CCDC171: variants seen among roughly 807,000 people sequenced by gnomAD.
CCDC171 encodes the protein coiled-coil domain-containing protein 171.
A neutral mutation model predicts 168.2 loss-of-function variants in CCDC171; 177 were observed. The ratio of observed to expected loss-of-function variants is 1.05; its 90% confidence interval spans 0.93 to 1.19. The LOEUF is 1.19. Among genes scored for constraint, CCDC171 ranks in the 50% most tolerant of loss-of-function variants. CCDC171 has a pLI of 0.00. For synonymous variants in CCDC171, 687 were observed against 540.8 expected (o/e 1.27, Z -3.75); for missense variants, 1,991 against 1,539.0 (o/e 1.29, Z -4.91).
At chr9:16,037,135 A>C (rs1388855059) in intron 8 of CCDC171, among the ~76,000 whole-genome samples, 1 of 152,250 alleles carries the variant, frequency 6.6e-6, no homozygotes, top group African/African-American at 2.4e-5. Flanking sequence ...AATAGCTAGA[A>C]GAGAGGATTT....
At chr9:15,558,401 C>A (rs991675153) in intron 1 of CCDC171, among the ~76,000 whole-genome samples, 5 of 152,036 alleles carry the variant, frequency 3.3e-5, no homozygotes. Context: ...ATTATTGCCT[C>A]AATTTCAGAA....
At position 15,666,162 on chromosome 9, in the gene CCDC171, G is replaced by T. The variant is rs751929117; in HGVS notation, c.916-1G>T. The T allele has an allele frequency of 4.3e-6, 7 of 1,613,258 alleles. No homozygotes were observed. In the South Asian group the frequency reaches 6.6e-5, roughly 15 times the overall value. On this transcript the variant is annotated splice_acceptor_variant, in intron 8 of 25. Coordinates refer to ENST00000380701, the MANE Select transcript of CCDC171 (RefSeq NM_173550.4). LOFTEE classifies it high-confidence loss of function. ...TTAATTACTTGTCTGTCGTCCGGTA[G>T]TTACGGATTCGAGACCTTGAAGGAG... is the stretch of plus-strand genomic sequence containing the variant.
intron 4 of CCDC171, among the ~76,000 whole-genome samples, chr9:15,583,144 C>T (rs542574761): frequency 8.5e-5 from 13 of 152,156 alleles, no homozygotes; most frequent in East Asian, 5.8e-4. Context: ...AGGCTGGGCG[C>T]GGTGGCTCAC....
At chr9:16,019,344 A>G (rs984040634) in intron 3 of CCDC171, among the ~76,000 whole-genome samples, 1 of 152,202 alleles carries the variant, frequency 6.6e-6, no homozygotes, top group African/African-American at 2.4e-5. Flanking sequence ...AGTCCTGGTA[A>G]AAGTAAATTG....
At chr9:15,633,711 A>G (rs1448671713) in intron 7 of CCDC171, among the ~76,000 whole-genome samples, 2 of 152,226 alleles carry the variant, frequency 1.3e-5, no homozygotes, top group Non-Finnish European at 2.9e-5. Context: ...TCTACTATAC[A>G]GACACATGCA....
rs2042938665 is a variant in CCDC171, at chr9:15,602,632, CTTTTTTTTTTTTTTCTTTTTT to C, written c.675+8475_675+8495del. On this transcript the variant is annotated intron_variant, in intron 6 of 25. Transcript: ENST00000380701. ...CATTTTAAGATAGTGTTTCTCATTT[CTTTTTTTTTTTTTTCTTTTTT>C]TTTTTTTTTTTTTTTTTTTTGATAC... Among the ~76,000 whole-genome samples, 3 of 31,040 alleles carry C rather than the reference CTTTTTTTTTTTTTTCTTTTTT, an allele frequency of 9.7e-5. 1 individual carries two copies. The highest frequency in any genetic ancestry group is 2.9e-4 in the African/African-American group (3 of 10,402). 20.4% of individuals were successfully genotyped at this position (31,040 alleles called of 152,430 possible).
the CCDC171 span, among the ~76,000 whole-genome samples, chr9:16,085,354 A>G: frequency 6.6e-6 from 1 of 152,338 alleles, no homozygotes; most frequent in East Asian, 1.9e-4. Context: ...GGGGGAACTC[A>G]AGCTGCTGAC....
chr9:15,610,696 T>G (rs1339482949), intron 6 of CCDC171, among the ~76,000 whole-genome samples: 1 of 151,834 alleles, frequency 6.6e-6, no homozygotes, highest in African/African-American at 2.4e-5. Context: ...TACCTGGGAC[T>G]ACAGGTGTGC....
chr9:15,765,993 C>T (rs1211385032), intron 18 of CCDC171, among the ~76,000 whole-genome samples: 5 of 152,066 alleles, frequency 3.3e-5, no homozygotes, highest in Non-Finnish European at 7.4e-5. Context: ...CCCTCCAGAG[C>T]GGAGGACACG....
the CCDC171 span, among the ~76,000 whole-genome samples, chr9:16,071,441 C>T: frequency 0.4 from 60,660 of 152,000 alleles, 13,178 homozygotes; most frequent in African/African-American, 0.59. Context: ...TCTCCTTGCT[C>T]CCTCAGACTT....
intron 18 of CCDC171, among the ~76,000 whole-genome samples, chr9:15,746,748 T>G (rs2055315151): frequency 6.6e-6 from 1 of 152,108 alleles, no homozygotes; most frequent in Non-Finnish European, 1.5e-5. Flanking sequence ...CTGAGACTGG[T>G]TGGACAGTGG....
chr9:15,583,165 C>T (rs2041268953), intron 4 of CCDC171, among the ~76,000 whole-genome samples: 1 of 152,092 alleles, frequency 6.6e-6, no homozygotes, highest in South Asian at 2.1e-4. Flanking sequence ...GCCTGTAATC[C>T]CAGCACTTTG....
intron 23 of CCDC171, among the ~76,000 whole-genome samples, chr9:15,855,448 A>G (rs566399335): frequency 5.9e-5 from 9 of 151,972 alleles, no homozygotes; most frequent in Middle Eastern, 3.4e-3. Flanking sequence ...ATCTAAGATG[A>G]GTCTGTTATA....
chr9:15,562,455 A>G (rs991950566), intron 1 of CCDC171, among the ~76,000 whole-genome samples: 15 of 152,206 alleles, frequency 9.9e-5, no homozygotes, highest in African/African-American at 2.7e-4. Flanking sequence ...CTTCTGAGCT[A>G]TGGAAGATGC....
intron 21 of CCDC171, among the ~76,000 whole-genome samples, chr9:15,831,484 G>C (rs1249140380): frequency 6.6e-6 from 1 of 152,108 alleles, no homozygotes; most frequent in African/African-American, 2.4e-5. Context: ...GAAGCTTACT[G>C]GTATTTTTTC....
rs960389363 is a variant in CCDC171, at chr9:15,679,157, G to GT, written c.1215+271dup. 4.1e-3 allele frequency among the ~76,000 whole-genome samples: 608 copies of GT among 148,394 alleles called. 1 individual carries two copies. Among genetic ancestry groups the GT allele is most frequent in the African/African-American group, 0.012 (501 of 40,614 alleles). On this transcript the variant is annotated intron_variant, in intron 10 of 25. Transcript: ENST00000380701. ...AGAATTTTCAAAAATGTATTCAAAT[G>GT]TTTTTTTTTTATCGTGCATAAAACA...
chr9:15,909,994 C>T (rs961227218), intron 24 of CCDC171, among the ~76,000 whole-genome samples: 4 of 152,174 alleles, frequency 2.6e-5, no homozygotes, highest in African/African-American at 9.7e-5. Context: ...TGTTATTCCA[C>T]TCTGTACTTC....
At chr9:15,992,077 T>G (rs13298435) in intron 3 of CCDC171, among the ~76,000 whole-genome samples, 50,964 of 152,094 alleles carry the variant, frequency 0.34, 10,710 homozygotes, top group East Asian at 0.62. Flanking sequence ...TAACTCATTT[T>G]ATGAGGCCAG....
intron 7 of CCDC171, among the ~76,000 whole-genome samples, chr9:15,649,639 C>G (rs1040401392): frequency 3.5e-4 from 53 of 152,242 alleles, no homozygotes; most frequent in Admixed American, 1.4e-3. Context: ...CCAACAGACA[C>G]ATGAAAAAAT....
Sources: allele counts gnomAD v4.1 joint callset (sites outside exome capture counted in the v4.1 genomes callset), GRCh38; gene constraint gnomAD v4.1.1; transcripts MANE v1.5; gene names NCBI Gene and HGNC (gene_info 2026-07-23, HGNC 2026-07-21).